The following TM9SF2 variants were observed in gnomAD, a reference collection of about 807,000 sequenced individuals.
TM9SF2 encodes transmembrane 9 superfamily member 2.
In TM9SF2, 13 loss-of-function variants were observed where a neutral mutation model predicts 84.9. That is an observed-to-expected ratio of 0.15 (90% CI 0.10 to 0.24). The LOEUF is 0.24. Among genes scored for constraint, TM9SF2 ranks in the 10% least tolerant of loss-of-function variants. The pLI, the probability that TM9SF2 is intolerant of heterozygous loss-of-function variation, is 1.00. For missense variants in TM9SF2, 562 were observed against 818.5 expected, an observed-to-expected ratio of 0.69 and a Z score of 3.82; for synonymous variants, 273 against 285.8, an observed-to-expected ratio of 0.96 and a Z score of 0.45.
chr13:99,513,098 T>G (rs2046120201), intron 1 of TM9SF2, among the ~76,000 whole-genome samples: 1 of 152,280 alleles, frequency 6.6e-6, no homozygotes, highest in East Asian at 1.9e-4. Context: ...GATGATGAGC[T>G]CCAAGCTGTC....
At chr13:99,529,937 A>C (rs749514219) in intron 4 of TM9SF2, among the ~76,000 whole-genome samples, 5 of 152,226 alleles carry the variant, frequency 3.3e-5, no homozygotes, top group Non-Finnish European at 5.9e-5. Flanking sequence ...TAACACAATA[A>C]AGTGAGTCAC....
At chr13:99,555,724 T>C in intron 15 of TM9SF2, 77 bp downstream of exon 15, 1 of 869,896 alleles carries the variant, frequency 1.1e-6, no homozygotes, top group Non-Finnish European at 1.7e-6. Flanking sequence ...TATTATTAAT[T>C]AAAATAATTT....
At chr13:99,551,319 C>T (rs7321735) in intron 12 of TM9SF2, among the ~76,000 whole-genome samples, 49,598 of 152,112 alleles carry the variant, frequency 0.33, 8,610 homozygotes, top group African/African-American at 0.45. Flanking sequence ...AATACAGAAG[C>T]AGGCCCTGTA....
Position 99,501,681 on chromosome 13 carries a change from G to A in TM9SF2, c.75G>A (p.Gly25=). 2 of 1,613,140 alleles carry A rather than the reference G, an allele frequency of 1.2e-6. No homozygotes were observed. The highest frequency in any genetic ancestry group is 1.1e-5 in the South Asian group (1 of 91,064). The part of the protein sequence containing the change: ...RLLLLSLLLL[G]AVPGPRRSGA... ...TGCTGCTGTCGCTGCTCCTGCTGGGGGCGGTTCCTGGCCCGCGCCGGAGCG... is the reference window on the plus strand; with the variant it reads ...TGCTGCTGTCGCTGCTCCTGCTGGGAGCGGTTCCTGGCCCGCGCCGGAGCG... The change falls in exon 1 of 17, where the codon GGG becomes GGA. Residue 25 remains glycine, a synonymous_variant. Coordinates refer to ENST00000376387, the MANE Select transcript of TM9SF2 (RefSeq NM_004800.3).
chr13:99,516,986 A>G (rs1412133860), intron 1 of TM9SF2, among the ~76,000 whole-genome samples: 2 of 152,230 alleles, frequency 1.3e-5, no homozygotes, highest in East Asian at 1.9e-4. Flanking sequence ...TAAAAACAGC[A>G]TCTATATTAA....
At chr13:99,533,424 G>A (rs953727123) in intron 4 of TM9SF2, among the ~76,000 whole-genome samples, 3 of 152,118 alleles carry the variant, frequency 2.0e-5, no homozygotes, top group South Asian at 2.1e-4. Context: ...TATTGTACAC[G>A]TTATTCTGCA....
intron 12 of TM9SF2, among the ~76,000 whole-genome samples, chr13:99,550,609 A>T (rs1442476651): frequency 1.3e-5 from 2 of 152,222 alleles, no homozygotes; most frequent in Non-Finnish European, 2.9e-5. Flanking sequence ...CTAAGAACTC[A>T]AGTATTCAGG....
chr13:99,547,001 A>T lies in TM9SF2; in HGVS notation c.1167A>T (p.Gly389=). 6.2e-7 allele frequency: 1 copy of T among 1,614,084 alleles called. No homozygotes were observed. Among genetic ancestry groups the T allele is most frequent in the Non-Finnish European group, 8.5e-7 (1 of 1,180,012 alleles). ...GTGTTTTAGTTTTCGCTTGCCTGGG[A>T]TTTTTGTCACCTGCCAACCGAGGAG... The part of the protein sequence containing the change: ...TFVTLFFACL[G]FLSPANRGAL... The change falls in exon 11 of 17, where the codon GGA becomes GGT. Residue 389 remains glycine, a synonymous_variant. Coordinates refer to ENST00000376387, the MANE Select transcript of TM9SF2 (RefSeq NM_004800.3).
At chr13:99,510,442 A>G (rs752938682) in intron 1 of TM9SF2, among the ~76,000 whole-genome samples, 2 of 152,206 alleles carry the variant, frequency 1.3e-5, no homozygotes, top group Non-Finnish European at 2.9e-5. Context: ...TTTATAAAGA[A>G]AAGAGGTTTA....
At chr13:99,554,707 CTG>C (rs923446579) in intron 14 of TM9SF2, among the ~76,000 whole-genome samples, 27 of 152,290 alleles carry the variant, frequency 1.8e-4, no homozygotes, top group African/African-American at 6.5e-4. Context: ...ACTTCATTCT[CTG>C]TGAGGTGAGT....
At chr13:99,525,028 G>A (rs1209518130) in intron 3 of TM9SF2, among the ~76,000 whole-genome samples, 1 of 152,106 alleles carries the variant, frequency 6.6e-6, no homozygotes, top group Non-Finnish European at 1.5e-5. Context: ...GATGGGTCAG[G>A]TGAGATAAGG....
chr13:99,502,517 A>G (rs936264347), intron 1 of TM9SF2, among the ~76,000 whole-genome samples: 13 of 152,212 alleles, frequency 8.5e-5, no homozygotes, highest in Admixed American at 2.6e-4. Flanking sequence ...TAAAAGGGGC[A>G]AATGGTGGGA....
At chr13:99,515,391 G>A (rs575508828) in intron 1 of TM9SF2, among the ~76,000 whole-genome samples, 2 of 152,350 alleles carry the variant, frequency 1.3e-5, no homozygotes, top group East Asian at 3.9e-4. Flanking sequence ...GTATGTATTT[G>A]TGTTAATTCA....
At chr13:99,517,028 T>C (rs1284307038) in intron 1 of TM9SF2, among the ~76,000 whole-genome samples, 1 of 152,226 alleles carries the variant, frequency 6.6e-6, no homozygotes, top group Non-Finnish European at 1.5e-5. Context: ...AAATATCTTA[T>C]TAATTTTTTA....
intron 6 of TM9SF2, among the ~76,000 whole-genome samples, chr13:99,538,363 AT>A (rs59982617): frequency 0.019 from 2,850 of 150,772 alleles, 86 homozygotes; most frequent in African/African-American, 0.065. Context: ...TATTTATGAG[AT>A]TTTTTTTTTA....
rs898062373 is a variant in TM9SF2 at position 99,563,047 on chromosome 13, C to T, written c.*289C>T. On this transcript the variant is annotated 3_prime_UTR_variant, in exon 17 of 17. Transcript: ENST00000376387. The stretch of plus-strand genomic sequence containing the variant: ...GTAAATACAGTAGCTATAAAATTTT[C>T]CATACTTCTAATGGCAGAATAGAGG... 2.4e-5 allele frequency: 6 copies of T among 248,478 alleles called. No individual in the cohort carries two copies. The East Asian group carries it at 4.9e-4, about 20-fold the overall frequency. 15.4% of individuals were successfully genotyped at this position (248,478 alleles called of 1,614,324 possible). A position where few individuals can be genotyped will look rare whatever the true frequency, so the allele number is the denominator to read the frequency against.
At chr13:99,545,189 T>A (rs2046277627) in intron 10 of TM9SF2, among the ~76,000 whole-genome samples, 1 of 152,224 alleles carries the variant, frequency 6.6e-6, no homozygotes, top group African/African-American at 2.4e-5. Flanking sequence ...TTATTTTTGT[T>A]AGTAAAGTTG....
intron 3 of TM9SF2, among the ~76,000 whole-genome samples, chr13:99,528,161 C>T (rs541283297): frequency 6.9e-4 from 105 of 152,320 alleles, no homozygotes; most frequent in Non-Finnish European, 1.4e-3. Flanking sequence ...AAATACAATT[C>T]CATCCATAAC....
At chr13:99,556,574 CTT>C (rs35868359) in intron 15 of TM9SF2, among the ~76,000 whole-genome samples, 1 of 137,080 alleles carries the variant, frequency 7.3e-6, no homozygotes, top group African/African-American at 2.7e-5. Context: ...TACTTCATTC[CTT>C]TTTTTTTTTT....
Sources: allele counts gnomAD v4.1 joint callset (sites outside exome capture counted in the v4.1 genomes callset), GRCh38; gene constraint gnomAD v4.1.1; transcripts MANE v1.5; gene names NCBI Gene and HGNC (gene_info 2026-07-23, HGNC 2026-07-21).